DOCK2: variants seen among roughly 807,000 people sequenced by gnomAD.
DOCK2 encodes the protein dedicator of cytokinesis protein 2.
In DOCK2, 87 loss-of-function variants were observed where a neutral mutation model predicts 248.9. The ratio of observed to expected loss-of-function variants is 0.35; its 90% confidence interval spans 0.29 to 0.42. The LOEUF is 0.42. Ranked by LOEUF, DOCK2 falls within the 10% of genes least tolerant of loss-of-function variation. The pLI, the probability that DOCK2 is intolerant of heterozygous loss-of-function variation, is 1.00. For missense variants in DOCK2, 1,747 were observed against 2,300.2 expected, an observed-to-expected ratio of 0.76 and a Z score of 4.92; for synonymous variants, 805 against 821.6, an observed-to-expected ratio of 0.98 and a Z score of 0.35.
At chr5:169,828,755 C>T (rs1001707940) in intron 26 of DOCK2, among the ~76,000 whole-genome samples, 1 of 152,192 alleles carries the variant, frequency 6.6e-6, no homozygotes, top group Non-Finnish European at 1.5e-5. Context: ...TAGCTCCACG[C>T]CTCATCTGAG....
At chr5:169,868,758 C>T (rs1456726985) in intron 27 of DOCK2, among the ~76,000 whole-genome samples, 2 of 152,096 alleles carry the variant, frequency 1.3e-5, no homozygotes, top group African/African-American at 4.8e-5. Flanking sequence ...TTGTCCCCAT[C>T]TCAAAAAGAA....
At chr5:170,070,530 C>T (rs10462992) in intron 46 of DOCK2, among the ~76,000 whole-genome samples, 39,033 of 151,868 alleles carry the variant, frequency 0.26, 5,295 homozygotes, top group East Asian at 0.51. Context: ...CCCAAATATC[C>T]CCCAGGTCCC....
intron 2 of DOCK2, 25 bp downstream of exon 2, chr5:169,654,511 G>A (rs774538414): frequency 1.2e-6 from 2 of 1,613,702 alleles, no homozygotes; most frequent in Admixed American, 3.3e-5. Flanking sequence ...CACGCCCCAA[G>A]TGCTGGACCC....
chr5:169,656,664 C>T (rs958131557), intron 2 of DOCK2, among the ~76,000 whole-genome samples: 3 of 152,232 alleles, frequency 2.0e-5, no homozygotes, highest in African/African-American at 7.2e-5. Flanking sequence ...CCACCCATGC[C>T]TGCCAAAACA....
chr5:169,644,646 A>G (rs1236744850), intron 1 of DOCK2, among the ~76,000 whole-genome samples: 2 of 148,474 alleles, frequency 1.3e-5, no homozygotes, highest in Admixed American at 6.7e-5. Context: ...AATTTTACTG[A>G]CAGTTCTGGG....
At chr5:169,824,895 A>G (rs1420060010) in intron 26 of DOCK2, among the ~76,000 whole-genome samples, 1 of 152,234 alleles carries the variant, frequency 6.6e-6, no homozygotes, top group Non-Finnish European at 1.5e-5. Flanking sequence ...GCTAATATCT[A>G]GAATCTACAA....
chr5:169,954,595 A>G (rs543161284), intron 27 of DOCK2, among the ~76,000 whole-genome samples: 10 of 152,346 alleles, frequency 6.6e-5, no homozygotes, highest in African/African-American at 2.4e-4. Context: ...CTGTTCTTCT[A>G]TTTTATGAAA....
In DOCK2 at chr5:169,759,767, G is replaced by A. The variant is rs1308060260; in HGVS notation, c.2439G>A (p.Lys813=). The stretch of plus-strand genomic sequence containing the variant: ...ATGTAGAAATGGTCTTTGATGCGAA[G>A]TTACTCAGGTGAGAGCTCATGTTGT... ...LHDVEMVFDA[K]LLSQLLYEFY... The change falls in exon 24 of 52, where the codon AAG becomes AAA. Residue 813 remains lysine (K), a synonymous_variant. Transcript: ENST00000520908. 2.5e-6 allele frequency: 4 copies of A among 1,613,870 alleles called. No homozygotes were observed. The highest frequency in any genetic ancestry group is 1.7e-5 in the Admixed American group (1 of 60,010).
In DOCK2 at chr5:170,056,724, C is replaced by T. The variant is rs750405913; in HGVS notation, c.4336C>T (p.Arg1446Trp). 1.9e-6 allele frequency: 3 copies of T among 1,613,938 alleles called. No homozygotes were observed. The highest frequency in any genetic ancestry group is 1.7e-6 in the Non-Finnish European group (2 of 1,179,976). The change falls in exon 43 of 52, where the codon CGG becomes TGG. Residue 1446 changes from arginine (R) to tryptophan (W), a missense_variant. Physicochemically the swap from Arg to Trp is moderately radical, Grantham distance 101. Around this residue, in one of 4 missense-constraint regions of DOCK2, gnomAD observed 513 missense variants for 586.1 expected, o/e 0.88. Coordinates refer to ENST00000520908, the MANE Select transcript of DOCK2 (RefSeq NM_004946.3). Reference sequence around the variant, plus strand: ...CTACGTGCAAAGGTTCCACTACTCCCGGCCCGTGCGCAGGGGGACCGTAGA... The same window carrying T: ...CTACGTGCAAAGGTTCCACTACTCCTGGCCCGTGCGCAGGGGGACCGTAGA... ...SNYVQRFHYS[R>W]PVRRGTVDPE... is the part of the protein sequence containing the mutation.
intron 22 of DOCK2, among the ~76,000 whole-genome samples, chr5:169,738,526 C>T (rs1365108920): frequency 6.6e-6 from 1 of 152,154 alleles, no homozygotes; most frequent in African/African-American, 2.4e-5. Context: ...GGCCTTTAGG[C>T]TGTGCTTGGA....
chr5:169,782,313 G>A (rs1765752517), intron 25 of DOCK2, among the ~76,000 whole-genome samples: 1 of 152,028 alleles, frequency 6.6e-6, no homozygotes, highest in South Asian at 2.1e-4. Flanking sequence ...CTGGGTTTGG[G>A]GTACAAGCAG....
intron 44 of DOCK2, among the ~76,000 whole-genome samples, chr5:170,065,125 G>A (rs565626243): frequency 6.6e-6 from 1 of 152,212 alleles, no homozygotes; most frequent in East Asian, 1.9e-4. Context: ...AAACATGGGA[G>A]GAGAGGGAGT....
chr5:169,911,961 G>A (rs1774621321), intron 27 of DOCK2, among the ~76,000 whole-genome samples: 1 of 152,162 alleles, frequency 6.6e-6, no homozygotes, highest in East Asian at 1.9e-4. Context: ...ATGTTTCCTA[G>A]GTTGAAATTG....
At chr5:169,982,405 T>A (rs1777967076) in intron 27 of DOCK2, among the ~76,000 whole-genome samples, 1 of 152,164 alleles carries the variant, frequency 6.6e-6, no homozygotes, top group South Asian at 2.1e-4. Context: ...GCTCAGAGGG[T>A]CTCCTCTCTG....
chr5:170,039,824 C>T (rs1346870940), intron 36 of DOCK2, among the ~76,000 whole-genome samples: 1 of 152,202 alleles, frequency 6.6e-6, no homozygotes, highest in Non-Finnish European at 1.5e-5. Flanking sequence ...GGGTAGAATG[C>T]TGGCACCATG....
Position 170,079,136 on chromosome 5 carries a change from A to G in DOCK2, c.5156A>G (p.Asp1719Gly), listed in dbSNP as rs752223326. ...GATGAGAAAGCAGCTGCAGAGTCGG[A>G]CCTGAAGCGGGTGAGTGGCTGAGGC... ...FADEKAAAES[D>G]LKRLSRKHEF... The change falls in exon 49 of 52, where the codon GAC becomes GGC. Residue 1719 changes from aspartate to glycine, a missense_variant. By Grantham distance (94) the Asp-to-Gly change is moderately conservative. Around this residue, in one of 4 missense-constraint regions of DOCK2, gnomAD observed 513 missense variants for 586.1 expected, o/e 0.88. Coordinates refer to ENST00000520908, the MANE Select transcript of DOCK2 (RefSeq NM_004946.3). 1.2e-6 allele frequency: 2 copies of G among 1,613,452 alleles called. No individual in the cohort carries two copies. The highest frequency in any genetic ancestry group is 1.7e-6 in the Non-Finnish European group (2 of 1,179,954).
At chr5:169,815,532 G>A (rs1242423251) in intron 26 of DOCK2, among the ~76,000 whole-genome samples, 3 of 151,978 alleles carry the variant, frequency 2.0e-5, no homozygotes, top group Non-Finnish European at 2.9e-5. Flanking sequence ...TGGGAGGAAG[G>A]GCAGAATGTA....
chr5:169,782,651 G>T (rs1030900992), intron 25 of DOCK2, among the ~76,000 whole-genome samples: 2 of 152,088 alleles, frequency 1.3e-5, no homozygotes, highest in African/African-American at 4.8e-5. Context: ...CTACCTAACT[G>T]TTTTGGAGAA....
chr5:169,677,109 A>G (rs143463613), intron 6 of DOCK2, among the ~76,000 whole-genome samples: 1 of 152,252 alleles, frequency 6.6e-6, no homozygotes, highest in African/African-American at 2.4e-5. Flanking sequence ...CTCTTTATCA[A>G]CTAAGATGGA....
Sources: gnomAD v4.1 joint callset for allele counts (sites outside exome capture counted in the v4.1 genomes callset) on GRCh38, gnomAD v4.1.1 for gene constraint, gnomAD v4.1.1 regional missense constraint, MANE v1.5 for transcripts, NCBI Gene and HGNC (gene_info 2026-07-23, HGNC 2026-07-21) for gene names.